PCDHA9: variants seen among roughly 807,000 people sequenced by gnomAD.
PCDHA9 encodes protocadherin alpha 9.
A neutral mutation model predicts 62.0 loss-of-function variants in PCDHA9; 62 were observed. The observed-to-expected ratio is 1.00, with a 90% CI of 0.81 to 1.23. The LOEUF (loss-of-function observed/expected upper bound fraction) is 1.23, where lower values mean the gene tolerates loss of function less well. Ranked by LOEUF, PCDHA9 falls within the 50% of genes most tolerant of loss-of-function variation. The pLI is 0.00. For synonymous variants in PCDHA9, 557 were observed against 567.6 expected (o/e 0.98, Z 0.27); for missense variants, 1,205 against 1,249.8 (o/e 0.96, Z 0.54).
rs1554169291 is a variant in PCDHA9 at position 140,877,075 on chromosome 5, G to A, written c.2394+26186G>A. On this transcript the variant is annotated intron_variant, in intron 1 of 3. Transcript: ENST00000532602. ...GGAGCTGGAGCTGCTGCAGTTCCAGGTGAGCGCGCGCGACGCCGGCGTGCC... is the reference window on the plus strand; with the variant it reads ...GGAGCTGGAGCTGCTGCAGTTCCAGATGAGCGCGCGCGACGCCGGCGTGCC... 6.2e-7 allele frequency: 1 copy of A among 1,612,986 alleles called. No individual in the cohort carries two copies. The highest frequency in any genetic ancestry group is 1.1e-5 in the South Asian group (1 of 91,036).
At chr5:140,958,301 TA>T (rs2095417556) in intron 1 of PCDHA9, among the ~76,000 whole-genome samples, 1 of 152,248 alleles carries the variant, frequency 6.6e-6, no homozygotes, top group African/African-American at 2.4e-5. Flanking sequence ...TGAACTTAAT[TA>T]AAATAAATTA....
At chr5:140,861,501 C>A in intron 1 of PCDHA9, 1 of 480,612 alleles carries the variant, frequency 2.1e-6, no homozygotes, top group South Asian at 1.6e-5. Flanking sequence ...TCTGATAGAC[C>A]TCGAGGAGCT....
At chr5:140,987,592 G>A (rs150671243) in intron 3 of PCDHA9, among the ~76,000 whole-genome samples, 29 of 152,290 alleles carry the variant, frequency 1.9e-4, no homozygotes, top group Admixed American at 1.6e-3. Context: ...GAGAATAGTG[G>A]TGTCTACCTT....
chr5:140,941,597 G>T (rs2093124922), intron 1 of PCDHA9, among the ~76,000 whole-genome samples: 1 of 152,032 alleles, frequency 6.6e-6, no homozygotes, highest in Middle Eastern at 3.4e-3. Context: ...TTACAGCCAT[G>T]AGCCATGGTG....
At chr5:140,899,158 T>G (rs1285542285) in intron 1 of PCDHA9, among the ~76,000 whole-genome samples, 1 of 152,188 alleles carries the variant, frequency 6.6e-6, no homozygotes, top group African/African-American at 2.4e-5. Context: ...TGACTTCCTC[T>G]TTTCCTAATT....
intron 1 of PCDHA9, chr5:140,866,969 G>A (rs533294537): frequency 6.6e-6 from 1 of 152,230 alleles, no homozygotes; most frequent in South Asian, 2.1e-4. Context: ...GGTGACATCT[G>A]AAATATCACA....
intron 1 of PCDHA9, among the ~76,000 whole-genome samples, chr5:140,936,139 C>T (rs1166879357): frequency 6.6e-6 from 1 of 152,078 alleles, no homozygotes; most frequent in Non-Finnish European, 1.5e-5. Flanking sequence ...GTGATCTGCC[C>T]GCCTTGGCCT....
intron 1 of PCDHA9, chr5:140,854,223 C>A: frequency 1.1e-5 from 7 of 631,586 alleles, no homozygotes; most frequent in Non-Finnish European, 1.2e-5. Flanking sequence ...TGGACATCTA[C>A]ATTGGGATAT....
rs2150480213 is a variant in PCDHA9, at chr5:140,850,340, G to C, written c.1845G>C (p.Thr615=). 0.013 allele frequency: 21,012 copies of C among 1,597,592 alleles called. 2,634 individuals are homozygous for C. The African/African-American group carries it at 0.2, about 15-fold the overall frequency. ...AWLSYELQPE[T]ASASIPFRVG... is the part of the protein sequence containing the mutation. Reference sequence around the variant, plus strand: ...TTTCATACGAGCTGCAGCCAGAAACGGCCAGCGCGAGCATCCCGTTCCGCG... The same window carrying C: ...TTTCATACGAGCTGCAGCCAGAAACCGCCAGCGCGAGCATCCCGTTCCGCG... The change falls in exon 1 of 4, where the codon ACG becomes ACC. Residue 615 remains threonine (T), a synonymous_variant. Coordinates refer to ENST00000532602, the MANE Select transcript of PCDHA9 (RefSeq NM_031857.2).
chr5:140,869,679 G>A, intron 1 of PCDHA9: 1 of 1,613,452 alleles, frequency 6.2e-7, no homozygotes, highest in Non-Finnish European at 8.5e-7. Flanking sequence ...TTAAAAGACT[G>A]TCACTTATTT....
At chr5:140,987,444 C>T (rs2097254283) in intron 3 of PCDHA9, among the ~76,000 whole-genome samples, 2 of 151,998 alleles carry the variant, frequency 1.3e-5, no homozygotes, top group Admixed American at 6.6e-5. Flanking sequence ...TCCCCATGCC[C>T]GAGAGATAAT....
At chr5:140,897,874 T>C (rs541496059) in intron 1 of PCDHA9, among the ~76,000 whole-genome samples, 2,161 of 152,206 alleles carry the variant, frequency 0.014, 44 homozygotes, top group African/African-American at 0.049. Context: ...TTTTAATGAT[T>C]GCCATTCTAA....
At chr5:140,926,471 T>G in intron 1 of PCDHA9, 1 of 162,332 alleles carries the variant, frequency 6.2e-6, no homozygotes, top group Non-Finnish European at 1.3e-5. Context: ...GAAAACACCG[T>G]TTAAGGAGAG....
chr5:140,891,374 A>G (rs960838202), intron 1 of PCDHA9, among the ~76,000 whole-genome samples: 11 of 151,996 alleles, frequency 7.2e-5, no homozygotes, highest in Non-Finnish European at 1.3e-4. Flanking sequence ...TATACATTGC[A>G]CCATATTTGC....
At chr5:140,867,932 T>C (rs2050205695) in intron 1 of PCDHA9, 1 of 152,146 alleles carries the variant, frequency 6.6e-6, no homozygotes, top group Non-Finnish European at 1.5e-5. Context: ...TTCCCTTGTT[T>C]TCCATGAACT....
rs180868237 is a variant in PCDHA9 at position 140,870,334 on chromosome 5, G to A, written c.2394+19445G>A. 21 of 1,614,166 alleles carry A rather than the reference G, an allele frequency of 1.3e-5. No individual in the cohort carries two copies. The Admixed American group carries it at 2.3e-4, about 18-fold the overall frequency. On this transcript the variant is annotated intron_variant, in intron 1 of 3. Transcript: ENST00000532602. ...TTACTACTCGTTGGTGCTGGACAGC[G>A]CCCTGGACCGCGAGAACGTGTGGGC...
intron 1 of PCDHA9, chr5:140,870,259 T>G: frequency 6.2e-7 from 1 of 1,614,190 alleles, no homozygotes; most frequent in African/African-American, 1.3e-5. Flanking sequence ...ACAGGTGACC[T>G]GCTCGCTGAC....
chr5:140,853,285 A>G (rs2042696768), intron 1 of PCDHA9: 2 of 981,668 alleles, frequency 2.0e-6, no homozygotes, highest in Non-Finnish European at 2.5e-6. Flanking sequence ...TCATATGCAA[A>G]TTCTCAGAAG....
At chr5:140,879,799 G>C (rs1165330277) in intron 1 of PCDHA9, among the ~76,000 whole-genome samples, 5 of 152,188 alleles carry the variant, frequency 3.3e-5, no homozygotes, top group Non-Finnish European at 7.3e-5. Flanking sequence ...GTTTCTTCCA[G>C]TTTCTATTGG....
Sources: allele counts gnomAD v4.1 joint callset (sites outside exome capture counted in the v4.1 genomes callset), GRCh38; gene constraint gnomAD v4.1.1; transcripts MANE v1.5; gene names NCBI Gene and HGNC (gene_info 2026-07-23, HGNC 2026-07-21).